The following HMGCLL1 variants were observed in gnomAD, a reference collection of about 807,000 sequenced individuals.
HMGCLL1 encodes 3-hydroxymethyl-3-methylglutaryl-CoA lyase, cytoplasmic.
In HMGCLL1, 36 loss-of-function variants were observed where a neutral mutation model predicts 39.1. The ratio of observed to expected loss-of-function variants is 0.92; its 90% CI spans 0.71 to 1.22. The LOEUF (loss-of-function observed/expected upper bound fraction) is 1.22, where lower values mean the gene tolerates loss of function less well. Among genes scored for constraint, HMGCLL1 ranks in the 50% most tolerant of loss-of-function variants. HMGCLL1 has a pLI of 0.00. For missense variants in HMGCLL1, 451 were observed against 416.5 expected, an observed-to-expected ratio of 1.08 and a Z score of -0.72; for synonymous variants, 149 against 144.0, an observed-to-expected ratio of 1.03 and a Z score of -0.25.
At chr6:55,439,390 C>A in intron 8 of HMGCLL1, 44 bp downstream of exon 8, 1 of 1,564,210 alleles carries the variant, frequency 6.4e-7, no homozygotes, top group Non-Finnish European at 8.7e-7. Context: ...CAATTTGGAG[C>A]TGCAAGGAAT....
chr6:55,543,477 A>C (rs373827174), intron 1 of HMGCLL1, among the ~76,000 whole-genome samples: 74 of 10,086 alleles, frequency 7.3e-3, no homozygotes, highest in African/African-American at 0.013. Flanking sequence ...TATCATATAT[A>C]ATATATATAT....
At chr6:55,568,083 AT>A (rs34050845) in intron 1 of HMGCLL1, among the ~76,000 whole-genome samples, 1 of 152,122 alleles carries the variant, frequency 6.6e-6, no homozygotes, top group African/African-American at 2.4e-5. Context: ...ACATAAAATT[AT>A]TTTATGGTCT....
chr6:55,665,052 A>T, the HMGCLL1 span, among the ~76,000 whole-genome samples: 1 of 151,750 alleles, frequency 6.6e-6, no homozygotes, highest in Non-Finnish European at 1.5e-5. Context: ...CAACAGGTTC[A>T]GCACATACTC....
intron 5 of HMGCLL1, among the ~76,000 whole-genome samples, chr6:55,504,819 G>A (rs1040861796): frequency 8.6e-5 from 13 of 151,536 alleles, no homozygotes; most frequent in African/African-American, 3.1e-4. Flanking sequence ...TTTACCTTCT[G>A]AATACTTGTC....
chr6:55,496,412 G>A (rs929078906), intron 6 of HMGCLL1, among the ~76,000 whole-genome samples: 5 of 152,036 alleles, frequency 3.3e-5, no homozygotes, highest in African/African-American at 1.2e-4. Context: ...AATCATAACT[G>A]CATAAAATTA....
At chr6:55,529,186 C>T (rs931062451) in intron 3 of HMGCLL1, among the ~76,000 whole-genome samples, 4 of 152,174 alleles carry the variant, frequency 2.6e-5, no homozygotes, top group African/African-American at 9.6e-5. Flanking sequence ...TGAAGTAGGG[C>T]AAGAAGTCTC....
At chr6:55,620,762 C>G in the HMGCLL1 span, among the ~76,000 whole-genome samples, 55 of 152,034 alleles carry the variant, frequency 3.6e-4, no homozygotes, top group African/African-American at 1.2e-3. Context: ...AATTTTTAAT[C>G]CATTTTGATT....
At chr6:55,460,794 A>T (rs1327804855) in intron 7 of HMGCLL1, among the ~76,000 whole-genome samples, 1 of 152,122 alleles carries the variant, frequency 6.6e-6, no homozygotes, top group East Asian at 1.9e-4. Context: ...TGAGCTCTGT[A>T]GTCCAGTTAT....
chr6:55,559,010 A>G (rs1770808160), intron 1 of HMGCLL1, among the ~76,000 whole-genome samples: 1 of 152,086 alleles, frequency 6.6e-6, no homozygotes, highest in Non-Finnish European at 1.5e-5. Flanking sequence ...TCATTTAGCT[A>G]TGGATCCAAC....
intron 7 of HMGCLL1, among the ~76,000 whole-genome samples, chr6:55,470,238 G>C (rs1345012155): frequency 1.3e-5 from 2 of 151,874 alleles, no homozygotes; most frequent in Non-Finnish European, 2.9e-5. Flanking sequence ...GTTGGCACTA[G>C]AATAGTACAG....
chr6:55,580,510 G>A (rs1218212159), upstream of HMGCLL1, among the ~76,000 whole-genome samples: 2 of 132,734 alleles, frequency 1.5e-5, no homozygotes, highest in African/African-American at 5.7e-5. Flanking sequence ...TCTCCCCCCA[G>A]GTTCACGCCA....
chr6:55,548,574 GT>G (rs1006682430), intron 1 of HMGCLL1, among the ~76,000 whole-genome samples: 20 of 151,894 alleles, frequency 1.3e-4, no homozygotes, highest in Non-Finnish European at 2.7e-4. Context: ...TTAAAATGAG[GT>G]TTTTAGCATC....
chr6:55,449,502 T>C (rs1254676387), intron 7 of HMGCLL1, among the ~76,000 whole-genome samples: 1 of 152,176 alleles, frequency 6.6e-6, no homozygotes, highest in East Asian at 1.9e-4. Context: ...AACAAACATC[T>C]ATGTGTTGGA....
chr6:55,662,923 G>T, the HMGCLL1 span, among the ~76,000 whole-genome samples: 1 of 151,564 alleles, frequency 6.6e-6, no homozygotes, highest in Non-Finnish European at 1.5e-5. Flanking sequence ...TTGGGAAGGG[G>T]TATGTGTCCA....
the HMGCLL1 span, among the ~76,000 whole-genome samples, chr6:55,609,903 G>A: frequency 0.3 from 45,996 of 151,878 alleles, 7,463 homozygotes; most frequent in East Asian, 0.41. Context: ...CAGATGAACA[G>A]GGCCCGAAGT....
intron 7 of HMGCLL1, among the ~76,000 whole-genome samples, chr6:55,451,509 C>A (rs540608303): frequency 6.6e-6 from 1 of 151,962 alleles, no homozygotes; most frequent in Non-Finnish European, 1.5e-5. Context: ...GAGATCGCGC[C>A]ATTGCACTCC....
the HMGCLL1 span, among the ~76,000 whole-genome samples, chr6:55,603,486 G>A: frequency 6.6e-6 from 1 of 151,706 alleles, no homozygotes; most frequent in Non-Finnish European, 1.5e-5. Context: ...GAACAGTTTT[G>A]CCACCTCTTC....
the HMGCLL1 span, among the ~76,000 whole-genome samples, chr6:55,627,677 A>C: frequency 7.2e-6 from 1 of 138,328 alleles, no homozygotes; most frequent in Non-Finnish European, 1.6e-5. Context: ...GGGAATATAA[A>C]GCAGGCAGAA....
intron 7 of HMGCLL1, among the ~76,000 whole-genome samples, chr6:55,453,519 G>A (rs1764192999): frequency 6.6e-6 from 1 of 152,122 alleles, no homozygotes; most frequent in East Asian, 1.9e-4. Context: ...ATGGAGCATA[G>A]CTCCTGATCA....
Sources: gnomAD v4.1 joint callset for allele counts (sites outside exome capture counted in the v4.1 genomes callset) on GRCh38, gnomAD v4.1.1 for gene constraint, MANE v1.5 for transcripts, NCBI Gene and HGNC (gene_info 2026-07-23, HGNC 2026-07-21) for gene names.